The following ARNT2 variants were observed in gnomAD, a reference collection of about 807,000 sequenced individuals.
ARNT2 encodes ARNT protein 2.
Under a neutral mutation model 91.7 loss-of-function variants are expected in ARNT2, and 36 were observed. The observed-to-expected ratio is 0.39, with a 90% confidence interval of 0.30 to 0.52. The LOEUF (loss-of-function observed/expected upper bound fraction) is 0.52. Ranked by LOEUF, ARNT2 falls within the 20% of genes least tolerant of loss-of-function variation. The pLI is 0.72. For missense variants in ARNT2, 775 were observed against 939.3 expected, an observed-to-expected ratio of 0.83 and a Z score of 2.29; for synonymous variants, 365 against 347.1, an observed-to-expected ratio of 1.05 and a Z score of -0.57.
intron 2 of ARNT2, among the ~76,000 whole-genome samples, chr15:80,453,049 G>A (rs1223856759): frequency 6.6e-6 from 1 of 152,216 alleles, no homozygotes; most frequent in African/African-American, 2.4e-5. Context: ...TGGGACGACA[G>A]GCATGAGCCA....
chr15:80,437,386 T>C (rs1363879914), intron 1 of ARNT2, among the ~76,000 whole-genome samples: 1 of 152,252 alleles, frequency 6.6e-6, no homozygotes, highest in Non-Finnish European at 1.5e-5. Context: ...CTCTCCTCTT[T>C]TGTGGCCTCA....
chr15:80,509,864 G>C (rs1472938312), intron 6 of ARNT2, among the ~76,000 whole-genome samples: 1 of 152,154 alleles, frequency 6.6e-6, no homozygotes, highest in Non-Finnish European at 1.5e-5. Context: ...AATGGGGTAC[G>C]GTGCAGGAGG....
intron 5 of ARNT2, among the ~76,000 whole-genome samples, chr15:80,494,948 C>T (rs916552280): frequency 6.6e-6 from 1 of 152,134 alleles, no homozygotes; most frequent in African/African-American, 2.4e-5. Flanking sequence ...TAGCACCTTC[C>T]CCAGATGGTA....
At chr15:80,422,033 A>G (rs924921713) in intron 1 of ARNT2, among the ~76,000 whole-genome samples, 1 of 152,270 alleles carries the variant, frequency 6.6e-6, no homozygotes, top group Non-Finnish European at 1.5e-5. Flanking sequence ...AATTCAGCAC[A>G]GAATCAGAGT....
At chr15:80,470,128 G>T in intron 3 of ARNT2, 90 bp from the exon 4 acceptor site, 1 of 1,293,758 alleles carries the variant, frequency 7.7e-7, no homozygotes. Flanking sequence ...CTGGTCATTT[G>T]GTGTTAATGG....
intron 1 of ARNT2, among the ~76,000 whole-genome samples, chr15:80,408,307 G>A (rs532035337): frequency 6.6e-6 from 1 of 152,266 alleles, no homozygotes; most frequent in East Asian, 1.9e-4. Flanking sequence ...TACTAGGGGA[G>A]GCATAGGTAG....
At chr15:80,481,535 C>G (rs4328393) in intron 5 of ARNT2, among the ~76,000 whole-genome samples, 6,460 of 152,082 alleles carry the variant, frequency 0.042, 472 homozygotes, top group African/African-American at 0.15. Context: ...CATAGCAAGA[C>G]CTTACTTCTA....
At chr15:80,543,498 A>T (rs1566997297) in intron 8 of ARNT2, among the ~76,000 whole-genome samples, 1 of 152,212 alleles carries the variant, frequency 6.6e-6, no homozygotes, top group Non-Finnish European at 1.5e-5. Flanking sequence ...TATACTTTGT[A>T]TCAAATTTGG....
At chr15:80,429,412 G>A (rs55733347) in intron 1 of ARNT2, among the ~76,000 whole-genome samples, 9,489 of 152,294 alleles carry the variant, frequency 0.062, 339 homozygotes, top group African/African-American at 0.088. Flanking sequence ...GGAACCTCCC[G>A]GTTGGTGAAC....
Position 80,440,081 on chromosome 15 carries a change from T to C in ARNT2, c.32-10799T>C, listed in dbSNP as rs1317566842. On this transcript the variant is annotated intron_variant, in intron 1 of 18. Transcript: ENST00000303329. ...GGTAGGCCAGAGTCTAGGTTTTGGC[T>C]GAGACTCCTTCTAAGACCTCATTAG... Among the ~76,000 whole-genome samples the C allele has an allele frequency of 4.6e-5, 7 of 152,216 alleles. No homozygotes were observed. In the East Asian group the frequency reaches 1.3e-3, roughly 29 times the overall value.
At chr15:80,535,647 G>T (rs1300666631) in intron 8 of ARNT2, among the ~76,000 whole-genome samples, 1 of 151,638 alleles carries the variant, frequency 6.6e-6, no homozygotes, top group Admixed American at 6.6e-5. Context: ...TTAGCTGTCT[G>T]ATTACTGTAT....
At chr15:80,530,600 A>G (rs1439420770) in intron 8 of ARNT2, among the ~76,000 whole-genome samples, 1 of 152,028 alleles carries the variant, frequency 6.6e-6, no homozygotes, top group Non-Finnish European at 1.5e-5. Flanking sequence ...GGGCTGATAT[A>G]TATGTTTCTC....
chr15:80,477,538 C>T (rs1896825664), intron 5 of ARNT2, among the ~76,000 whole-genome samples: 1 of 152,120 alleles, frequency 6.6e-6, no homozygotes, highest in African/African-American at 2.4e-5. Context: ...TTTGTTGTCC[C>T]CTAAGGCCCT....
chr15:80,574,918 G>A (rs1485238831), intron 13 of ARNT2, 69 bp from the exon 14 acceptor site: 7 of 1,539,420 alleles, frequency 4.5e-6, no homozygotes, highest in South Asian at 1.2e-5. Context: ...AGAGCTGGTG[G>A]CTCCTGGGGA....
intron 17 of ARNT2, among the ~76,000 whole-genome samples, chr15:80,584,833 A>C (rs996730549): frequency 6.6e-6 from 1 of 152,216 alleles, no homozygotes; most frequent in East Asian, 1.9e-4. Flanking sequence ...GGTTGATCCC[A>C]GCCTCCTGCT....
At chr15:80,573,559 A>G (rs1898619440) in intron 12 of ARNT2, among the ~76,000 whole-genome samples, 1 of 152,158 alleles carries the variant, frequency 6.6e-6, no homozygotes, top group South Asian at 2.1e-4. Flanking sequence ...TAAAGCCGCC[A>G]TTTCCTCCAG....
intron 11 of ARNT2, among the ~76,000 whole-genome samples, chr15:80,558,409 G>A (rs1048163893): frequency 2.7e-5 from 4 of 147,372 alleles, no homozygotes; most frequent in Admixed American, 1.4e-4. Flanking sequence ...GCACAATCTC[G>A]GCTCACTGCA....
At chr15:80,540,446 G>A (rs1209298312) in intron 8 of ARNT2, among the ~76,000 whole-genome samples, 2 of 152,118 alleles carry the variant, frequency 1.3e-5, no homozygotes, top group African/African-American at 2.4e-5. Context: ...TTAGCCATTT[G>A]TATGTCTTCT....
intron 8 of ARNT2, among the ~76,000 whole-genome samples, chr15:80,520,270 G>A (rs973085078): frequency 6.6e-6 from 1 of 152,098 alleles, no homozygotes; most frequent in Non-Finnish European, 1.5e-5. Flanking sequence ...GTGTACACAC[G>A]GTTATTAAAG....
Sources: gnomAD v4.1 joint callset for allele counts (sites outside exome capture counted in the v4.1 genomes callset) on GRCh38, gnomAD v4.1.1 for gene constraint, MANE v1.5 for transcripts, NCBI Gene and HGNC (gene_info 2026-07-23, HGNC 2026-07-21) for gene names.